The following RNF213 variants were observed in gnomAD, a reference collection of about 807,000 sequenced individuals.
RNF213 encodes the protein E3 ubiquitin-protein ligase RNF213.
In RNF213, 341 loss-of-function variants were observed where a neutral mutation model predicts 514.4. The ratio of observed to expected loss-of-function variants is 0.66; its 90% CI spans 0.61 to 0.73. The LOEUF is 0.73. Among genes scored for constraint, RNF213 ranks in the 30% least tolerant of loss-of-function variants. The probability of loss-of-function intolerance (pLI) is 0.00; values close to 1 mark genes in which losing one functional copy is unlikely to be tolerated. For missense variants in RNF213, 5,767 were observed against 6,615.6 expected, an observed-to-expected ratio of 0.87 and a Z score of 4.45; for synonymous variants, 2,655 against 2,658.2, an observed-to-expected ratio of 1.00 and a Z score of 0.04.
chr17:80,377,124 G>A lies in RNF213; in HGVS notation c.13510+161G>A. 1.5e-6 allele frequency: 1 copy of A among 664,388 alleles called. No homozygotes were observed. The highest frequency in any genetic ancestry group is 2.7e-6 in the Non-Finnish European group (1 of 365,922). 41.2% of individuals were successfully genotyped at this position (664,388 alleles called of 1,614,324 possible). On this transcript the variant is annotated intron_variant, in intron 53 of 67. Transcript: ENST00000582970. The surrounding 1 kb of genome is among the most constrained non-coding windows in gnomAD (Gnocchi z 4.1). ...GGCGTCTGCAGAAGACGAATGGCTT[G>A]AAGGAGCTGGCACTCCGCCGGCTAG...
At chr17:80,316,853 GGGT>G (rs1275324971) in intron 15 of RNF213, among the ~76,000 whole-genome samples, 1 of 152,208 alleles carries the variant, frequency 6.6e-6, no homozygotes, top group Non-Finnish European at 1.5e-5. Flanking sequence ...GAATGAATGT[GGGT>G]GGTGGTGTGC....
chr17:80,382,920 C>T lies in RNF213; in HGVS notation c.13979-59C>T, dbSNP rs1264720051. On this transcript the variant is annotated intron_variant, in intron 57 of 67. Transcript: ENST00000582970. ...AAACACTTATTTAGGGTTTATTATA[C>T]GCAGACTGCTGTGTTCTTTGTGCCT... 25 of 1,004,654 alleles carry T rather than the reference C, an allele frequency of 2.5e-5. No homozygotes were observed. In the Middle Eastern group the frequency reaches 6.3e-4, roughly 25 times the overall value. The allele number at this position is 1,004,654 out of a possible 1,614,324, so 62.2% of individuals were successfully genotyped here.
chr17:80,381,153 G>A (rs975680259), intron 56 of RNF213, 166 bp downstream of exon 56: 18 of 755,190 alleles, frequency 2.4e-5, no homozygotes, highest in Admixed American at 1.4e-4. Context: ...CCCCTGTGGC[G>A]TATGATGGTA....
intron 41 of RNF213, among the ~76,000 whole-genome samples, 199 bp downstream of exon 41, chr17:80,363,989 C>T (rs559231970): frequency 2.0e-5 from 3 of 152,306 alleles, no homozygotes; most frequent in African/African-American, 4.8e-5. Flanking sequence ...ACACGAGAGG[C>T]GGCTGTGCAT....
Position 80,317,170 on chromosome 17 carries a change from T to C in RNF213, c.2812-18T>C, listed in dbSNP as rs1205228580. 1 of 1,609,056 alleles carries C rather than the reference T, an allele frequency of 6.2e-7. No individual in the cohort carries two copies. Among genetic ancestry groups the C allele is most frequent in the South Asian group, 1.1e-5 (1 of 89,344 alleles). ...TTTAGTCGTGAGAGTGGGTGTGACCTGTGTGCGGGTTTTGCAGGTCTGGAG... is the reference window on the plus strand; with the variant it reads ...TTTAGTCGTGAGAGTGGGTGTGACCCGTGTGCGGGTTTTGCAGGTCTGGAG... On this transcript the variant is annotated intron_variant, in intron 15 of 67. Coordinates refer to ENST00000582970, the MANE Select transcript of RNF213 (RefSeq NM_001256071.3). This position sits in a 1 kb window ranked among gnomAD's most constrained non-coding sequence, Gnocchi z 4.1.
chr17:80,373,195 C>T, intron 49 of RNF213, 30 bp downstream of exon 49: 2 of 1,594,572 alleles, frequency 1.3e-6, no homozygotes, highest in Non-Finnish European at 1.7e-6. Context: ...AGCACACAAA[C>T]ATGCACCCCC....
chr17:80,346,305 T>C lies in RNF213; in HGVS notation c.7970T>C (p.Met2657Thr). 1.1e-5 allele frequency: 17 copies of C among 1,614,128 alleles called. No individual in the cohort carries two copies. Among genetic ancestry groups the C allele is most frequent in the Non-Finnish European group, 1.4e-5 (17 of 1,180,030 alleles). ...VFRWFHEHSA[M>T]LLAQLNAFLS... is the part of the protein sequence containing the mutation. ...AGGTGGTTCCACGAGCACAGCGCGA[T>C]GCTCTTAGCGCAGCTGAATGCCTTT... is the stretch of plus-strand genomic sequence containing the variant. The change falls in exon 29 of 68, where the codon ATG becomes ACG. Residue 2657 changes from methionine (M) to threonine (T), a missense_variant. Coordinates refer to ENST00000582970, the MANE Select transcript of RNF213 (RefSeq NM_001256071.3). This position sits in a 1 kb window ranked among gnomAD's most constrained non-coding sequence, Gnocchi z 8.1.
intron 20 of RNF213, 85 bp downstream of exon 20, chr17:80,328,562 C>T: frequency 7.4e-7 from 1 of 1,354,286 alleles, no homozygotes; most frequent in Non-Finnish European, 9.8e-7. Context: ...AGTAGCAGAT[C>T]TTTATTTTGG....
At chr17:80,386,488 G>C in intron 62 of RNF213, 58 bp downstream of exon 62, 1 of 1,582,868 alleles carries the variant, frequency 6.3e-7, no homozygotes, top group Non-Finnish European at 8.7e-7. Flanking sequence ...CCTAAGCCCA[G>C]TGGGGCAGAC....
At chr17:80,368,188 C>A in intron 44 of RNF213, 45 bp downstream of exon 44, 1 of 1,595,834 alleles carries the variant, frequency 6.3e-7, no homozygotes, top group Non-Finnish European at 8.6e-7. Flanking sequence ...TTTTCATTTT[C>A]CTTTTTTGGC....
At chr17:80,325,304 T>C (rs1386708018) in intron 18 of RNF213, 106 bp downstream of exon 18, 2 of 1,161,198 alleles carry the variant, frequency 1.7e-6, no homozygotes, top group Admixed American at 5.5e-5. Context: ...TGAATTGGGA[T>C]GGGCTGATGT....
chr17:80,343,101 C>T lies in RNF213; in HGVS notation c.5990-31C>T. The T allele has an allele frequency of 1.3e-6, 2 of 1,590,782 alleles. No homozygotes were observed. Among genetic ancestry groups the T allele is most frequent in the Non-Finnish European group, 1.7e-6 (2 of 1,159,136 alleles). Reference sequence around the variant, plus strand: ...AGGATTACAGGTGTGAGCCACCACTCCCAGCCCTAATTTCTGTATTAATGT... The same window carrying T: ...AGGATTACAGGTGTGAGCCACCACTTCCAGCCCTAATTTCTGTATTAATGT... On this transcript the variant is annotated intron_variant, in intron 26 of 67. Transcript: ENST00000582970. This position sits in a 1 kb window ranked among gnomAD's most constrained non-coding sequence, Gnocchi z 4.3.
intron 49 of RNF213, among the ~76,000 whole-genome samples, chr17:80,373,966 G>A (rs2079630174): frequency 7.3e-6 from 1 of 137,620 alleles, no homozygotes; most frequent in Non-Finnish European, 1.5e-5. Flanking sequence ...TTGCACCACT[G>A]CACTCCAGCG....
chr17:80,324,005 G>C (rs905642824), intron 17 of RNF213, among the ~76,000 whole-genome samples: 1 of 152,078 alleles, frequency 6.6e-6, no homozygotes, highest in Non-Finnish European at 1.5e-5. Context: ...GCATGAGAGA[G>C]AGAATTAAAT....
chr17:80,280,295 C>T (rs1046847564), intron 3 of RNF213, among the ~76,000 whole-genome samples: 11 of 152,184 alleles, frequency 7.2e-5, no homozygotes, highest in Non-Finnish European at 1.3e-4. Context: ...GGCTCGGGCT[C>T]AGCAGACAGT....
At position 80,317,145 on chromosome 17, in the gene RNF213, T is replaced by C. The variant is rs1228262546; in HGVS notation, c.2812-43T>C. The C allele has an allele frequency of 1.1e-5, 17 of 1,585,452 alleles. No homozygotes were observed. The highest frequency in any genetic ancestry group is 1.5e-5 in the Non-Finnish European group (17 of 1,160,594). ...CCTTTCATGGGAGTGTGCCGTGGCA[T>C]TTAGTCGTGAGAGTGGGTGTGACCT... On this transcript the variant is annotated intron_variant, in intron 15 of 67. Coordinates refer to ENST00000582970, the MANE Select transcript of RNF213 (RefSeq NM_001256071.3). The surrounding 1 kb of genome is among the most constrained non-coding windows in gnomAD (Gnocchi z 4.1).
At chr17:80,268,649 A>G (rs1246702486) in intron 2 of RNF213, among the ~76,000 whole-genome samples, 3 of 151,166 alleles carry the variant, frequency 2.0e-5, no homozygotes, top group Non-Finnish European at 4.4e-5. Context: ...TTATCTGTCT[A>G]TCTATCTGTC....
chr17:80,386,449 AG>A lies in RNF213; in HGVS notation c.14720+21del. The A allele has an allele frequency of 6.2e-7, 1 of 1,613,638 alleles. No homozygotes were observed. Among genetic ancestry groups the A allele is most frequent in the Non-Finnish European group, 8.5e-7 (1 of 1,179,700 alleles). On this transcript the variant is annotated intron_variant, in intron 62 of 67. Transcript: ENST00000582970. ...ACAACAGGTTTGTGCACGAGCCACCAGGAAGTGGTGCCTGCTCAGCCCAGAG... is the reference window on the plus strand; with the variant it reads ...ACAACAGGTTTGTGCACGAGCCACCAGAAGTGGTGCCTGCTCAGCCCAGAG...
rs148143253 is a variant in RNF213 at position 80,289,744 on chromosome 17, A to G, written c.1019A>G (p.Lys340Arg). ...KNEQGEPEDL[K>R]KPEGKNRSAA... ...GAACAAGGGGAGCCTGAAGACCTCAAGAAGCCAGAGGGGAAGAACAGAAGT... is the reference window on the plus strand; with the variant it reads ...GAACAAGGGGAGCCTGAAGACCTCAGGAAGCCAGAGGGGAAGAACAGAAGT... Residue 340 changes from lysine to arginine, a missense_variant, in exon 6 of 68, where the codon AAG becomes AGG. This residue lies in a region of RNF213 where 509 missense variants were observed against 496.7 expected (regional missense o/e 1.02). Transcript: ENST00000582970. The G allele has an allele frequency of 2.5e-4, 397 of 1,614,126 alleles. 4 individuals are homozygous for G. The South Asian group carries it at 3.7e-3, about 15-fold the overall frequency.
Sources: allele counts gnomAD v4.1 joint callset (sites outside exome capture counted in the v4.1 genomes callset), GRCh38; gene constraint gnomAD v4.1.1; regional missense constraint gnomAD v4.1.1; non-coding constraint Gnocchi (gnomAD v3.1); transcripts MANE v1.5; gene names NCBI Gene and HGNC (gene_info 2026-07-23, HGNC 2026-07-21).